VANGL2: variants seen among roughly 807,000 people sequenced by gnomAD.
VANGL2 encodes the protein VANGL planar cell polarity protein 2.
Under a neutral mutation model 50.2 loss-of-function variants are expected in VANGL2, and 14 were observed. That is an observed-to-expected ratio of 0.28 (90% CI 0.18 to 0.44). The LOEUF is 0.44. Ranked by LOEUF, VANGL2 falls within the 20% of genes least tolerant of loss-of-function variation. The pLI is 1.00. For missense variants in VANGL2, 533 were observed against 701.5 expected (o/e 0.76, Z 2.71); for synonymous variants, 295 against 297.2 (o/e 0.99, Z 0.08).
intron 1 of VANGL2, among the ~76,000 whole-genome samples, chr1:160,402,566 G>A (rs956735632): frequency 1.3e-5 from 2 of 152,164 alleles, no homozygotes; most frequent in African/African-American, 4.8e-5. Context: ...TTGCAAGTGA[G>A]TCTGTGTGGT....
At chr1:160,415,376 TG>T (rs1651018541) in intron 1 of VANGL2, among the ~76,000 whole-genome samples, 2 of 152,218 alleles carry the variant, frequency 1.3e-5, no homozygotes, top group East Asian at 1.9e-4. Context: ...GGCTTGGGGT[TG>T]GGTCATTCTG....
chr1:160,424,382 C>A, intron 7 of VANGL2, 99 bp downstream of exon 7: 2 of 1,171,364 alleles, frequency 1.7e-6, no homozygotes, highest in Admixed American at 2.0e-5. Context: ...CCTCACTGTC[C>A]ACCTCATTTC....
chr1:160,411,624 G>A (rs142846464), intron 1 of VANGL2, among the ~76,000 whole-genome samples: 1 of 152,214 alleles, frequency 6.6e-6, no homozygotes, highest in East Asian at 1.9e-4. Context: ...TGTTTGGTAG[G>A]GAGGAGACAA....
In VANGL2 at chr1:160,416,181, G is replaced by A. The variant is rs139971849; in HGVS notation, c.191G>A (p.Arg64Gln). The A allele has an allele frequency of 1.3e-5, 21 of 1,614,046 alleles. No individual in the cohort carries two copies. The highest frequency in any genetic ancestry group is 9.3e-5 in the African/African-American group (7 of 74,938). Residue 64 changes from arginine to glutamine, a missense_variant and splice_region_variant, in exon 3 of 8, where the codon CGG becomes CAG. Transcript: ENST00000368061. ...AATGAGTCCACACGAGGGGATGAGC[G>A]GGTGAGCACTGGGGATGCGGTGGTC... Reference protein sequence around the residue: ...LDNESTRGDERDDNWGETTTV... With the variant: ...LDNESTRGDEQDDNWGETTTV...
At chr1:160,405,693 C>G (rs748280667) in intron 1 of VANGL2, among the ~76,000 whole-genome samples, 1 of 151,988 alleles carries the variant, frequency 6.6e-6, no homozygotes, top group Non-Finnish European at 1.5e-5. Flanking sequence ...CTTCCCCTGC[C>G]GCTCCACACA....
At chr1:160,411,362 G>A (rs1021097610) in intron 1 of VANGL2, among the ~76,000 whole-genome samples, 3 of 151,754 alleles carry the variant, frequency 2.0e-5, no homozygotes, top group Non-Finnish European at 4.4e-5. Flanking sequence ...CCCTCTTGAC[G>A]TTTCCACTTG....
At chr1:160,417,107 C>T (rs1276388637) in intron 3 of VANGL2, among the ~76,000 whole-genome samples, 1 of 152,118 alleles carries the variant, frequency 6.6e-6, no homozygotes, top group Admixed American at 6.5e-5. Flanking sequence ...GCCCTTGGTC[C>T]TTGGAGGGGG....
rs755562228 is a variant in VANGL2, at chr1:160,416,167, A to C, written c.177A>C (p.Thr59=). ...PGEPLLDNES[T]RGDERDDNWG... is the part of the protein sequence containing the mutation. ...AGCCCCTGCTGGACAATGAGTCCACACGAGGGGATGAGCGGGTGAGCACTG... is the reference window on the plus strand; with the variant it reads ...AGCCCCTGCTGGACAATGAGTCCACCCGAGGGGATGAGCGGGTGAGCACTG... The change falls in exon 3 of 8, where the codon ACA becomes ACC. Residue 59 remains threonine (T), a synonymous_variant. Coordinates refer to ENST00000368061, the MANE Select transcript of VANGL2 (RefSeq NM_020335.3). 4.3e-6 allele frequency: 7 copies of C among 1,614,058 alleles called. No homozygotes were observed. The East Asian group carries it at 1.6e-4, about 36-fold the overall frequency.
intron 1 of VANGL2, among the ~76,000 whole-genome samples, chr1:160,410,675 TACACACACAC>T (rs111892045): frequency 1.4e-5 from 2 of 143,250 alleles, no homozygotes; most frequent in Non-Finnish European, 3.1e-5. Flanking sequence ...ACCCCCCTTA[TACACACACAC>T]ACACACACAC....
At chr1:160,424,329 T>G (rs748452858) in intron 7 of VANGL2, 46 bp downstream of exon 7, 3 of 1,570,436 alleles carry the variant, frequency 1.9e-6, no homozygotes, top group Non-Finnish European at 2.6e-6. Context: ...CCCCAGCTCC[T>G]CTTCTTTCCC....
chr1:160,410,466 G>T (rs1468804566), intron 1 of VANGL2, among the ~76,000 whole-genome samples: 1 of 152,196 alleles, frequency 6.6e-6, no homozygotes, highest in Non-Finnish European at 1.5e-5. Flanking sequence ...CCGGGACTGG[G>T]CTGCGGGGTG....
chr1:160,408,890 T>TA (rs1447152767), intron 1 of VANGL2, among the ~76,000 whole-genome samples: 2 of 152,242 alleles, frequency 1.3e-5, no homozygotes, highest in African/African-American at 4.8e-5. Flanking sequence ...GCCCACTCTG[T>TA]ACCTTAGTCT....
At chr1:160,414,697 C>A (rs372035115) in intron 1 of VANGL2, among the ~76,000 whole-genome samples, 4 of 151,610 alleles carry the variant, frequency 2.6e-5, no homozygotes, top group Non-Finnish European at 4.4e-5. Context: ...AGATTTGATG[C>A]GTCAATGACT....
intron 1 of VANGL2, among the ~76,000 whole-genome samples, chr1:160,410,977 A>G (rs914473731): frequency 6.6e-6 from 1 of 151,980 alleles, no homozygotes; most frequent in Non-Finnish European, 1.5e-5. Context: ...ATGGTGATCA[A>G]TGTGGGAGAA....
At chr1:160,403,275 T>C (rs1650544531) in intron 1 of VANGL2, among the ~76,000 whole-genome samples, 1 of 152,094 alleles carries the variant, frequency 6.6e-6, no homozygotes, top group Non-Finnish European at 1.5e-5. Context: ...TTGTTTGCTC[T>C]GTATACGCTG....
In VANGL2 at chr1:160,428,494, C is replaced by G. The variant is rs1022155147; in HGVS notation, c.*3116C>G. The G allele has an allele frequency of 6.6e-6, 1 of 152,096 alleles. No individual in the cohort carries two copies. Among genetic ancestry groups the G allele is most frequent in the Non-Finnish European group, 1.5e-5 (1 of 67,952 alleles). The allele number at this position is 152,096 out of a possible 1,614,324, so 9.4% of individuals were successfully genotyped here. A position where few individuals can be genotyped will look rare whatever the true frequency, so the allele number is the denominator to read the frequency against. On this transcript the variant is annotated 3_prime_UTR_variant, in exon 8 of 8. Transcript: ENST00000368061. ...GGGGGGTGGGGTTACAGAGCTGAGA[C>G]CTTGTGCATGCATGTAGAAAATTGT... is the stretch of plus-strand genomic sequence containing the variant.
intron 1 of VANGL2, among the ~76,000 whole-genome samples, chr1:160,411,631 A>G (rs1650882636): frequency 6.6e-6 from 1 of 152,004 alleles, no homozygotes; most frequent in East Asian, 1.9e-4. Context: ...TAGGGAGGAG[A>G]CAAGCGTGTT....
At chr1:160,411,049 T>C (rs933402647) in intron 1 of VANGL2, among the ~76,000 whole-genome samples, 2 of 149,554 alleles carry the variant, frequency 1.3e-5, no homozygotes, top group Admixed American at 6.6e-5. Context: ...CCAATCCCCT[T>C]GGGATGATAC....
Position 160,427,329 on chromosome 1 carries a change from G to A in VANGL2, c.*1951G>A, listed in dbSNP as rs749898007. 1.3e-5 allele frequency: 2 copies of A among 152,590 alleles called. No homozygotes were observed. The highest frequency in any genetic ancestry group is 1.3e-4 in the Admixed American group (2 of 15,276). The allele number at this position is 152,590 out of a possible 1,614,324, so 9.5% of individuals were successfully genotyped here. On this transcript the variant is annotated 3_prime_UTR_variant, in exon 8 of 8. Transcript: ENST00000368061. ...TGTGGTCTGAGGAGCAGGTTGGGGT[G>A]GGGGAGAGGGAAAGGATTTGGGATC...
Sources: allele counts gnomAD v4.1 joint callset (sites outside exome capture counted in the v4.1 genomes callset), GRCh38; gene constraint gnomAD v4.1.1; transcripts MANE v1.5; gene names NCBI Gene and HGNC (gene_info 2026-07-23, HGNC 2026-07-21).